Variants in PIK3C2G observed in about 807,000 individuals in gnomAD.
The protein encoded by PIK3C2G is phosphatidylinositol 3-kinase C2 domain-containing subunit gamma.
Under a neutral mutation model 181.1 loss-of-function variants are expected in PIK3C2G, and 168 were observed. The observed-to-expected ratio is 0.93, with a 90% CI of 0.82 to 1.05. The LOEUF is 1.05. Among genes scored for constraint, PIK3C2G ranks in the 50% least tolerant of loss-of-function variants. PIK3C2G has a pLI of 0.00. For synonymous variants in PIK3C2G, 573 were observed against 592.2 expected (o/e 0.97, Z 0.47); for missense variants, 1,869 against 1,732.8 (o/e 1.08, Z -1.40).
intron 20 of PIK3C2G, chr12:18,493,107 T>C (rs1049221404): frequency 6.6e-5 from 10 of 152,238 alleles, no homozygotes; most frequent in Non-Finnish European, 1.3e-4. Flanking sequence ...GAAATGAGTA[T>C]GGAAAAGCTC....
chr12:18,451,757 T>A (rs1445168073), intron 18 of PIK3C2G, among the ~76,000 whole-genome samples: 1 of 152,184 alleles, frequency 6.6e-6, no homozygotes, highest in Non-Finnish European at 1.5e-5. Flanking sequence ...AATACCTAGT[T>A]TATTGAGAGT....
chr12:18,701,653 C>G, the PIK3C2G span: 2 of 1,607,698 alleles, frequency 1.2e-6, no homozygotes, highest in Non-Finnish European at 1.7e-6. Context: ...TCCTCCTCCT[C>G]TCCATCTGCC....
intron 24 of PIK3C2G, among the ~76,000 whole-genome samples, chr12:18,519,102 G>C (rs1214997566): frequency 6.6e-6 from 1 of 152,152 alleles, no homozygotes; most frequent in African/African-American, 2.4e-5. Flanking sequence ...GAGAGATCGT[G>C]TTATGATTTC....
At chr12:18,688,134 G>A in the PIK3C2G span, 1 of 1,611,180 alleles carries the variant, frequency 6.2e-7, no homozygotes, top group Non-Finnish European at 8.5e-7. Context: ...TGATCATTTG[G>A]AACACCAAAA....
intron 16 of PIK3C2G, among the ~76,000 whole-genome samples, chr12:18,409,694 T>C (rs552821512): frequency 6.6e-6 from 1 of 152,056 alleles, no homozygotes; most frequent in South Asian, 2.1e-4. Flanking sequence ...AATGGCAGAA[T>C]TGAATGGAGA....
chr12:18,325,071 C>T lies in PIK3C2G; in HGVS notation c.1245C>T (p.Phe415=), dbSNP rs780494846. 2.5e-5 allele frequency: 39 copies of T among 1,577,448 alleles called. No individual in the cohort carries two copies. The African/African-American group carries it at 4.7e-4, about 19-fold the overall frequency. The change falls in exon 8 of 33, where the codon TTC becomes TTT. Residue 415 remains phenylalanine (F), a synonymous_variant. Coordinates refer to ENST00000538779, the MANE Select transcript of PIK3C2G (RefSeq NM_001288772.2). ...CLLTLIRKYD[F]HLKYLLKTQE... is the part of the protein sequence containing the mutation. ...TAACACTCATCAGAAAATATGACTTCCACCTGAAATACCTATTGAAAACCC... is the reference window on the plus strand; with the variant it reads ...TAACACTCATCAGAAAATATGACTTTCACCTGAAATACCTATTGAAAACCC...
intron 24 of PIK3C2G, among the ~76,000 whole-genome samples, chr12:18,530,938 A>G (rs1229748188): frequency 1.3e-5 from 2 of 152,126 alleles, no homozygotes; most frequent in African/African-American, 4.8e-5. Flanking sequence ...ATTTCTTTAT[A>G]GCAGTGTGAG....
chr12:18,289,367 A>C (rs1458966278), intron 3 of PIK3C2G, among the ~76,000 whole-genome samples: 2 of 152,198 alleles, frequency 1.3e-5, no homozygotes, highest in Non-Finnish European at 2.9e-5. Context: ...AGTTTAGGAG[A>C]GAATGAATCA....
At chr12:18,425,386 CTTTTTTTTTTTT>C (rs1228477062) in intron 18 of PIK3C2G, among the ~76,000 whole-genome samples, 3 of 65,312 alleles carry the variant, frequency 4.6e-5, no homozygotes, top group Non-Finnish European at 8.1e-5. Flanking sequence ...ACAGACATTT[CTTTTTTTTTTTT>C]TTTTTTTTTT....
chr12:18,484,044 A>C (rs1042709590), intron 18 of PIK3C2G, among the ~76,000 whole-genome samples: 6 of 152,182 alleles, frequency 3.9e-5, no homozygotes, highest in African/African-American at 1.4e-4. Flanking sequence ...CCAAATCACA[A>C]TAGCCCATTT....
chr12:18,492,722 C>T (rs1004679241), intron 20 of PIK3C2G, among the ~76,000 whole-genome samples: 4 of 152,060 alleles, frequency 2.6e-5, no homozygotes, highest in Non-Finnish European at 4.4e-5. Context: ...TTATTGGCTG[C>T]TTGTTTTAAA....
At chr12:18,496,180 A>G in intron 21 of PIK3C2G, 26 bp downstream of exon 21, 3 of 1,261,258 alleles carry the variant, frequency 2.4e-6, no homozygotes, top group Non-Finnish European at 3.3e-6. Context: ...TAAAACATGA[A>G]TTGATTCCAT....
chr12:18,293,795 G>A (rs1389020303), intron 4 of PIK3C2G, 106 bp from the exon 5 acceptor site: 2 of 660,156 alleles, frequency 3.0e-6, no homozygotes, highest in Admixed American at 5.4e-5. Context: ...AAGCTAGACA[G>A]TTACAATCCT....
chr12:18,419,466 G>GAGTC (rs1203389450), intron 16 of PIK3C2G, among the ~76,000 whole-genome samples: 1 of 152,154 alleles, frequency 6.6e-6, no homozygotes, highest in Non-Finnish European at 1.5e-5. Context: ...CAATAAATTA[G>GAGTC]AGTCAATCAC....
At chr12:18,298,968 G>A (rs1252722684) in intron 5 of PIK3C2G, among the ~76,000 whole-genome samples, 1 of 151,698 alleles carries the variant, frequency 6.6e-6, no homozygotes, top group Admixed American at 6.6e-5. Flanking sequence ...AATGTATTTT[G>A]AAGGCAAGTA....
chr12:18,574,177 T>C (rs1356744462), intron 29 of PIK3C2G, among the ~76,000 whole-genome samples: 3 of 152,216 alleles, frequency 2.0e-5, no homozygotes, highest in African/African-American at 7.2e-5. Flanking sequence ...TCTAGATTTC[T>C]TGGAGAGACA....
intron 1 of PIK3C2G, among the ~76,000 whole-genome samples, chr12:18,252,499 T>C (rs1371392544): frequency 6.6e-6 from 1 of 152,064 alleles, no homozygotes; most frequent in East Asian, 1.9e-4. Context: ...TGAATAAAAG[T>C]TTTGTGTGGT....
the PIK3C2G span, among the ~76,000 whole-genome samples, chr12:18,708,119 T>C: frequency 6.6e-6 from 1 of 152,238 alleles, no homozygotes. Context: ...GACTTTTTCA[T>C]CCTACATATG....
intron 29 of PIK3C2G, among the ~76,000 whole-genome samples, chr12:18,584,124 T>A (rs1195798738): frequency 6.6e-6 from 1 of 151,530 alleles, no homozygotes; most frequent in Non-Finnish European, 1.5e-5. Context: ...CACCTCCCGG[T>A]TCACGCCATT....
Sources: gnomAD v4.1 joint callset for allele counts (sites outside exome capture counted in the v4.1 genomes callset) on GRCh38, gnomAD v4.1.1 for gene constraint, MANE v1.5 for transcripts, NCBI Gene and HGNC (gene_info 2026-07-23, HGNC 2026-07-21) for gene names.